Variants in ZNF33B observed in about 807,000 individuals in gnomAD.
The protein encoded by ZNF33B is zinc finger protein 11b (KOX 2).
ZNF33B carries 29 observed loss-of-function variants against 45.8 expected under a neutral mutation model. The ratio of observed to expected loss-of-function variants is 0.63; its 90% CI spans 0.47 to 0.86. ZNF33B has a LOEUF of 0.86. Among genes scored for constraint, ZNF33B ranks in the 40% least tolerant of loss-of-function variants. The pLI, the probability that ZNF33B is intolerant of heterozygous loss-of-function variation, is 0.00. For missense variants in ZNF33B, 831 were observed against 909.9 expected, an observed-to-expected ratio of 0.91 and a Z score of 1.12; for synonymous variants, 305 against 307.8, an observed-to-expected ratio of 0.99 and a Z score of 0.10.
chr10:42,608,588 T>C (rs1339552869), intron 4 of ZNF33B, among the ~76,000 whole-genome samples: 2 of 151,068 alleles, frequency 1.3e-5, no homozygotes, highest in African/African-American at 4.9e-5. Flanking sequence ...TTAGAAAAAA[T>C]GCTATGAGGT....
rs753903459 is a variant in ZNF33B, at chr10:42,592,923, A to G, written c.2027T>C (p.Val676Ala). 1.2e-6 allele frequency: 2 copies of G among 1,604,824 alleles called. No individual in the cohort carries two copies. Among genetic ancestry groups the G allele is most frequent in the Non-Finnish European group, 1.7e-6 (2 of 1,176,892 alleles). The change falls in exon 5 of 5, where the codon GTG (valine) becomes GCG (alanine). Residue 676 changes from valine (V) to alanine (A), a missense_variant. By Grantham distance (64) the Val-to-Ala change is moderately conservative. Coordinates refer to ENST00000359467, the MANE Select transcript of ZNF33B (RefSeq NM_006955.3). ...CTCATGTAAAATAAGTCCTGACTTC[A>G]CACAGAAAGATTTTCCACATTCGTT... Reference protein sequence around the residue: ...KCNECGKSFCVKSGLILHERK... With the variant: ...KCNECGKSFCAKSGLILHERK...
intron 4 of ZNF33B, among the ~76,000 whole-genome samples, chr10:42,622,437 T>C (rs1290557121): frequency 2.6e-5 from 4 of 152,198 alleles, no homozygotes; most frequent in Non-Finnish European, 5.9e-5. Flanking sequence ...TCACAACTTA[T>C]TAGAAAGCTA....
At chr10:42,631,660 AAAC>A in intron 4 of ZNF33B, 1 of 365,146 alleles carries the variant, frequency 2.7e-6, no homozygotes, top group Non-Finnish European at 4.9e-6. Context: ...TAACCAAGAA[AAAC>A]AACAGTAAAG....
intron 4 of ZNF33B, among the ~76,000 whole-genome samples, chr10:42,600,416 A>T (rs534509963): frequency 5.3e-5 from 8 of 152,274 alleles, no homozygotes; most frequent in Non-Finnish European, 8.8e-5. Context: ...AATGATCTCT[A>T]TCAATATGAA....
intron 4 of ZNF33B, among the ~76,000 whole-genome samples, chr10:42,622,542 G>T (rs776948403): frequency 6.6e-6 from 1 of 152,176 alleles, no homozygotes; most frequent in Non-Finnish European, 1.5e-5. Context: ...ATGGTCAACT[G>T]ATTTTTGACA....
intron 4 of ZNF33B, among the ~76,000 whole-genome samples, chr10:42,621,653 C>A (rs1342303200): frequency 6.6e-6 from 1 of 152,048 alleles, no homozygotes; most frequent in African/African-American, 2.4e-5. Context: ...CAAAATCCAA[C>A]CCCTTTCAGG....
chr10:42,575,158 C>CA (rs1836729856), intron 1 of ZNF33B, among the ~76,000 whole-genome samples: 1 of 152,060 alleles, frequency 6.6e-6, no homozygotes, highest in African/African-American at 2.4e-5. Flanking sequence ...ATGACTTGTC[C>CA]AAAAGTTTCT....
chr10:42,577,418 C>T, intron 1 of ZNF33B, among the ~76,000 whole-genome samples: 1 of 152,164 alleles, frequency 6.6e-6, no homozygotes, highest in East Asian at 1.9e-4. Flanking sequence ...CTCCTTCTCC[C>T]CTGTGACCTC....
chr10:42,584,511 C>G (rs1260095189), downstream of ZNF33B, among the ~76,000 whole-genome samples: 1 of 151,768 alleles, frequency 6.6e-6, no homozygotes, highest in Non-Finnish European at 1.5e-5. Context: ...AAGGGGCCAC[C>G]CCTTTCCTTT....
intron 4 of ZNF33B, among the ~76,000 whole-genome samples, chr10:42,608,844 C>G (rs150915604): frequency 7.1e-6 from 1 of 141,528 alleles, no homozygotes; most frequent in Non-Finnish European, 1.5e-5. Flanking sequence ...TGGAAAAGAT[C>G]AACAAAATAT....
chr10:42,582,746 G>GGT (rs1836850721), intron 1 of ZNF33B: 1 of 178,262 alleles, frequency 5.6e-6, no homozygotes, highest in Admixed American at 6.1e-5. Context: ...AAACCAGATA[G>GGT]GACACCTGAG....
chr10:42,618,943 A>C (rs1399230870), intron 4 of ZNF33B, among the ~76,000 whole-genome samples: 1 of 152,158 alleles, frequency 6.6e-6, no homozygotes, highest in Non-Finnish European at 1.5e-5. Context: ...GCCAACTAAA[A>C]TGGCAGTTAT....
At position 42,589,938 on chromosome 10, in the gene ZNF33B, T is replaced by C. The variant is rs775252624; in HGVS notation, c.*2675A>G. ...ATGCTAGATGTAGGGTTTTTTGTAG[T>C]AGTTCTTTATCAAATTGAGTAAGTT... is the stretch of plus-strand genomic sequence containing the variant. On this transcript the variant is annotated 3_prime_UTR_variant, in exon 5 of 5. Coordinates refer to ENST00000359467, the MANE Select transcript of ZNF33B (RefSeq NM_006955.3). The C allele has an allele frequency of 2.6e-5, 4 of 152,256 alleles. No homozygotes were observed. Among genetic ancestry groups the C allele is most frequent in the Non-Finnish European group, 5.9e-5 (4 of 68,046 alleles). 9.4% of individuals were successfully genotyped at this position (152,256 alleles called of 1,614,324 possible).
chr10:42,589,051 C>G (rs1196374544), downstream of ZNF33B: 1 of 307,760 alleles, frequency 3.2e-6, no homozygotes, highest in African/African-American at 2.3e-5. Flanking sequence ...CAGGTTCAGT[C>G]AGAAACACAC....
At chr10:42,598,990 A>G (rs1837509652) in intron 4 of ZNF33B, among the ~76,000 whole-genome samples, 1 of 152,192 alleles carries the variant, frequency 6.6e-6, no homozygotes, top group Non-Finnish European at 1.5e-5. Flanking sequence ...GGAATTCACT[A>G]CTGAAGCATC....
At chr10:42,634,710 A>G (rs748888624) in intron 2 of ZNF33B, among the ~76,000 whole-genome samples, 8 of 152,234 alleles carry the variant, frequency 5.3e-5, no homozygotes, top group Non-Finnish European at 8.8e-5. Context: ...TTCAAAAATA[A>G]TTCTACACTA....
chr10:42,601,608 G>A (rs1477129948), intron 4 of ZNF33B, among the ~76,000 whole-genome samples: 8 of 151,320 alleles, frequency 5.3e-5, no homozygotes, highest in Admixed American at 5.3e-4. Context: ...TGAGTAGCTG[G>A]GACTACAGGT....
At chr10:42,576,424 G>A (rs575796351) in intron 1 of ZNF33B, among the ~76,000 whole-genome samples, 5 of 152,246 alleles carry the variant, frequency 3.3e-5, no homozygotes, top group South Asian at 4.1e-4. Flanking sequence ...AGATGCCTCC[G>A]TGTGCAGTGG....
intron 2 of ZNF33B, among the ~76,000 whole-genome samples, chr10:42,636,353 G>A (rs1322319540): frequency 1.3e-5 from 2 of 152,156 alleles, no homozygotes; most frequent in Non-Finnish European, 2.9e-5. Flanking sequence ...TGTCTTCAGA[G>A]GAGTCAGTTT....
Sources: gnomAD v4.1 joint callset for allele counts (sites outside exome capture counted in the v4.1 genomes callset) on GRCh38, gnomAD v4.1.1 for gene constraint, MANE v1.5 for transcripts, NCBI Gene and HGNC (gene_info 2026-07-23, HGNC 2026-07-21) for gene names.